ARHGEF18: variants seen among roughly 807,000 people sequenced by gnomAD.
ARHGEF18 encodes the protein rho guanine nucleotide exchange factor 18.
A neutral mutation model predicts 155.7 loss-of-function variants in ARHGEF18; 93 were observed. The ratio of observed to expected loss-of-function variants is 0.60; its 90% CI spans 0.50 to 0.71. The LOEUF is 0.71. Among genes scored for constraint, ARHGEF18 ranks in the 30% least tolerant of loss-of-function variants. The pLI is 0.00. For missense variants in ARHGEF18, 1,593 were observed against 1,816.1 expected (o/e 0.88, Z 2.23); for synonymous variants, 742 against 753.1 (o/e 0.99, Z 0.24).
At chr19:7,374,818 A>C (rs1970358573) in intron 3 of ARHGEF18, among the ~76,000 whole-genome samples, 1 of 152,212 alleles carries the variant, frequency 6.6e-6, no homozygotes. Context: ...TGATCTGCAT[A>C]CTGCTTGCAT....
At position 7,372,852 on chromosome 19, in the gene ARHGEF18, AC is replaced by A; in HGVS notation, c.58del (p.Leu20SerfsTer96). The A allele has an allele frequency of 8.1e-7, 1 of 1,234,380 alleles. No individual in the cohort carries two copies. The highest frequency in any genetic ancestry group is 1.0e-6 in the Non-Finnish European group (1 of 988,262). The allele number at this position is 1,234,380 out of a possible 1,614,324, so 76.5% of individuals were successfully genotyped here. On this transcript the variant is annotated frameshift_variant, in exon 3 of 29. Transcript: ENST00000668164. LOFTEE classifies it high-confidence loss of function. ...AGGCGGCTCAGCGAGAGTATGGAGGACCTCAGCCTGGATTTGGGGGCCCTTC... is the reference window on the plus strand; with the variant it reads ...AGGCGGCTCAGCGAGAGTATGGAGGACTCAGCCTGGATTTGGGGGCCCTTC... ...FPRRLSESME[D>X]LSLDLGALQG... is the part of the protein sequence containing the mutation.
At chr19:7,439,638 TCCACTTC>T in intron 10 of ARHGEF18, 2 of 1,105,120 alleles carry the variant, frequency 1.8e-6, no homozygotes, top group Admixed American at 4.6e-5. Context: ...GAGCCTCGCG[TCCACTTC>T]GATGCTAGAA....
intron 10 of ARHGEF18, among the ~76,000 whole-genome samples, chr19:7,427,002 G>A (rs1895239975): frequency 6.6e-6 from 1 of 152,252 alleles, no homozygotes; most frequent in Admixed American, 6.5e-5. Context: ...TGGAGGAGCC[G>A]AGGTCAGGCA....
chr19:7,411,596 C>T (rs1402551256), intron 10 of ARHGEF18, among the ~76,000 whole-genome samples: 1 of 152,220 alleles, frequency 6.6e-6, no homozygotes, highest in East Asian at 1.9e-4. Flanking sequence ...TGTCAGCCAC[C>T]GTGCCCAGCC....
At chr19:7,361,991 G>GGAAGAAGAAGAAGAAGAA (rs1185709548) in intron 1 of ARHGEF18, among the ~76,000 whole-genome samples, 3 of 79,218 alleles carry the variant, frequency 3.8e-5, no homozygotes, top group South Asian at 4.8e-4. Context: ...AAGACTCTGT[G>GGAAGAAGAAGAAGAAGAA]GAAGAAGAAG....
intron 10 of ARHGEF18, among the ~76,000 whole-genome samples, chr19:7,430,368 ATTT>A (rs11301630): frequency 6.3e-5 from 9 of 143,730 alleles, no homozygotes; most frequent in Non-Finnish European, 9.1e-5. Flanking sequence ...TGCCTGGCTA[ATTT>A]TTTTTTTTTT....
intron 10 of ARHGEF18, among the ~76,000 whole-genome samples, chr19:7,414,734 G>A (rs11879296): frequency 0.55 from 83,542 of 151,188 alleles, 23,516 homozygotes; most frequent in Middle Eastern, 0.75. Context: ...GCTTGAACCC[G>A]GGAGGTGGAG....
At chr19:7,446,616 C>G (rs530203111) in intron 14 of ARHGEF18, among the ~76,000 whole-genome samples, 2 of 152,020 alleles carry the variant, frequency 1.3e-5, no homozygotes, top group East Asian at 1.9e-4. Context: ...TGGCATGCCC[C>G]TGTAATCTCA....
intron 1 of ARHGEF18, among the ~76,000 whole-genome samples, chr19:7,357,076 G>A (rs1326974786): frequency 6.6e-6 from 1 of 152,188 alleles, no homozygotes; most frequent in Non-Finnish European, 1.5e-5. Flanking sequence ...CTCTCATGAA[G>A]TTGGGCTCAG....
At position 7,467,312 on chromosome 19, in the gene ARHGEF18, G is replaced by C; in HGVS notation, c.3108G>C (p.Leu1036=). The change falls in exon 26 of 29, where the codon CTG becomes CTC. Residue 1036 remains leucine (L), a synonymous_variant. Coordinates refer to ENST00000668164, the MANE Select transcript of ARHGEF18 (RefSeq NM_001367823.1). ...GGCTGCAGTCGACGCGTGGGAACCT[G>C]CTGCTGGAGCAGGAGCGGCAACGCA... ...QFRLQSTRGN[L]LLEQERQRNF... 1 of 1,540,544 alleles carries C rather than the reference G, an allele frequency of 6.5e-7. No homozygotes were observed. The highest frequency in any genetic ancestry group is 8.7e-7 in the Non-Finnish European group (1 of 1,147,376).
chr19:7,384,864 T>TA (rs1001897573), intron 10 of ARHGEF18, among the ~76,000 whole-genome samples: 1 of 151,864 alleles, frequency 6.6e-6, no homozygotes, highest in African/African-American at 2.4e-5. Flanking sequence ...GCTAAGTTAT[T>TA]AACTTATTTT....
At chr19:7,419,759 C>T (rs1973240963) in intron 10 of ARHGEF18, among the ~76,000 whole-genome samples, 1 of 152,024 alleles carries the variant, frequency 6.6e-6, no homozygotes, top group Non-Finnish European at 1.5e-5. Flanking sequence ...TCGGGCAGGG[C>T]ACTTTTCCCC....
chr19:7,357,524 T>C (rs1236959700), intron 1 of ARHGEF18, among the ~76,000 whole-genome samples: 1 of 152,144 alleles, frequency 6.6e-6, no homozygotes, highest in East Asian at 1.9e-4. Flanking sequence ...GGACAGCTCC[T>C]TGGAGAGAAG....
rs146959161 is a variant in ARHGEF18, at chr19:7,395,427, A to AT, written c.967+12225dup. Reference sequence around the variant, plus strand: ...GGGGTGCAGGCTGCTCCTTCAATGCATGGAGGCTCTAGGCGGCGATTGCAG... The same window carrying AT: ...GGGGTGCAGGCTGCTCCTTCAATGCATTGGAGGCTCTAGGCGGCGATTGCAG... On this transcript the variant is annotated intron_variant, in intron 10 of 28. Coordinates refer to ENST00000668164, the MANE Select transcript of ARHGEF18 (RefSeq NM_001367823.1). This position sits in a 1 kb window ranked among gnomAD's most constrained non-coding sequence, Gnocchi z 5.0. 0.029 allele frequency among the ~76,000 whole-genome samples: 4,368 copies of AT among 152,076 alleles called. 106 individuals are homozygous for AT. Among genetic ancestry groups the AT allele is most frequent in the South Asian group, 0.078 (375 of 4,820 alleles).
intron 10 of ARHGEF18, among the ~76,000 whole-genome samples, chr19:7,430,563 G>A (rs1282441216): frequency 2.0e-5 from 3 of 152,122 alleles, no homozygotes; most frequent in Non-Finnish European, 4.4e-5. Flanking sequence ...CAGCACTTTG[G>A]GAGGCTGAGG....
chr19:7,409,251 G>A (rs759726407), intron 10 of ARHGEF18, among the ~76,000 whole-genome samples: 1 of 147,804 alleles, frequency 6.8e-6, no homozygotes, highest in Non-Finnish European at 1.5e-5. Flanking sequence ...AGTAGAGACT[G>A]GGTTTCACCA....
intron 7 of ARHGEF18, among the ~76,000 whole-genome samples, chr19:7,380,205 G>A (rs550269241): frequency 7.9e-5 from 12 of 151,774 alleles, no homozygotes; most frequent in South Asian, 2.1e-4. Flanking sequence ...TGGGCTGGGC[G>A]CAGTGGCTCA....
In ARHGEF18 at chr19:7,427,378, C is replaced by T. The variant is rs372546992; in HGVS notation, c.968-12966C>T. Among the ~76,000 whole-genome samples, 14 of 152,268 alleles carry T rather than the reference C, an allele frequency of 9.2e-5. No homozygotes were observed. In the South Asian group the frequency reaches 1.0e-3, roughly 11 times the overall value. ...TGTCTTGGCCAGGCATGGTGGCTCT[C>T]GCCTGTAATCCCAGCACTTTGGGAG... is the stretch of plus-strand genomic sequence containing the variant. On this transcript the variant is annotated intron_variant, in intron 10 of 28. Coordinates refer to ENST00000668164, the MANE Select transcript of ARHGEF18 (RefSeq NM_001367823.1).
At chr19:7,402,289 C>T (rs1289199343) in intron 10 of ARHGEF18, among the ~76,000 whole-genome samples, 3 of 152,028 alleles carry the variant, frequency 2.0e-5, no homozygotes, top group East Asian at 1.9e-4. Flanking sequence ...TGTGGTGGTG[C>T]GTGCCTGTAG....
Sources: allele counts gnomAD v4.1 joint callset (sites outside exome capture counted in the v4.1 genomes callset), GRCh38; gene constraint gnomAD v4.1.1; non-coding constraint Gnocchi (gnomAD v3.1); transcripts MANE v1.5; gene names NCBI Gene and HGNC (gene_info 2026-07-23, HGNC 2026-07-21).